The following NAV3 variants were observed in gnomAD, a reference collection of about 807,000 sequenced individuals.
NAV3 encodes the protein neuron navigator 3.
Under a neutral mutation model 244.7 loss-of-function variants are expected in NAV3, and 87 were observed. That is an observed-to-expected ratio of 0.36 (90% CI 0.30 to 0.42). NAV3 has a LOEUF of 0.42. NAV3 is among the 20% of genes least tolerant of loss of function. NAV3 has a pLI of 1.00. For missense variants in NAV3, 2,663 were observed against 2,893.3 expected, an observed-to-expected ratio of 0.92 and a Z score of 1.83; for synonymous variants, 1,126 against 1,042.2, an observed-to-expected ratio of 1.08 and a Z score of -1.55.
chr12:78,193,907 C>A (rs1959090249), intron 34 of NAV3, among the ~76,000 whole-genome samples: 1 of 152,060 alleles, frequency 6.6e-6, no homozygotes, highest in Admixed American at 6.6e-5. Flanking sequence ...CCCACTCTCT[C>A]TCTCTCTTTC....
intron 1 of NAV3, among the ~76,000 whole-genome samples, chr12:77,876,795 A>T (rs950753638): frequency 6.6e-6 from 1 of 152,046 alleles, no homozygotes; most frequent in Admixed American, 6.6e-5. Flanking sequence ...AGGATTTAGG[A>T]TTAAAATTTG....
intron 12 of NAV3, among the ~76,000 whole-genome samples, chr12:78,106,557 CT>C (rs1441448716): frequency 6.6e-6 from 1 of 152,184 alleles, no homozygotes; most frequent in Non-Finnish European, 1.5e-5. Flanking sequence ...AGCTGACAAG[CT>C]ATTTCTATAA....
At chr12:77,974,438 C>T (rs925002169) in intron 5 of NAV3, among the ~76,000 whole-genome samples, 3 of 151,108 alleles carry the variant, frequency 2.0e-5, no homozygotes, top group African/African-American at 7.3e-5. Context: ...CCCACCACCA[C>T]GGCCAGCTGT....
chr12:77,700,345 G>A (rs1416651589), intron 2 of NAV3, among the ~76,000 whole-genome samples: 1 of 152,132 alleles, frequency 6.6e-6, no homozygotes, highest in East Asian at 1.9e-4. Flanking sequence ...GCATGAAGGA[G>A]AGTTTGTGAG....
chr12:78,134,857 T>C (rs1365549036), intron 18 of NAV3, among the ~76,000 whole-genome samples: 1 of 152,198 alleles, frequency 6.6e-6, no homozygotes, highest in East Asian at 1.9e-4. Context: ...TAATAAAAGG[T>C]TAGTGGCTTT....
intron 5 of NAV3, 84 bp downstream of exon 5, chr12:77,968,786 G>T: frequency 7.5e-7 from 1 of 1,328,162 alleles, no homozygotes. Flanking sequence ...CCATGAGTTT[G>T]AAAAACGTAC....
intron 2 of NAV3, among the ~76,000 whole-genome samples, chr12:77,772,237 T>A (rs1385387741): frequency 6.6e-6 from 1 of 152,188 alleles, no homozygotes; most frequent in African/African-American, 2.4e-5. Context: ...TATGGCACAC[T>A]GATTCTGTCA....
At chr12:78,157,428 G>A (rs568599403) in intron 22 of NAV3, among the ~76,000 whole-genome samples, 1 of 151,672 alleles carries the variant, frequency 6.6e-6, no homozygotes, top group East Asian at 1.9e-4. Flanking sequence ...GGGCATGTTG[G>A]TACATGCCTA....
chr12:77,779,782 A>G (rs1870572632), intron 2 of NAV3, among the ~76,000 whole-genome samples: 1 of 152,144 alleles, frequency 6.6e-6, no homozygotes, highest in Admixed American at 6.5e-5. Flanking sequence ...TCAGCCAAAT[A>G]AGCAGATAGG....
chr12:78,017,445 A>C (rs1876410326), intron 8 of NAV3, among the ~76,000 whole-genome samples: 1 of 152,166 alleles, frequency 6.6e-6, no homozygotes, highest in Non-Finnish European at 1.5e-5. Flanking sequence ...AAAGTAAATA[A>C]ATAAAAGAAA....
chr12:77,724,943 T>C (rs1389551111), intron 2 of NAV3, among the ~76,000 whole-genome samples: 1 of 152,010 alleles, frequency 6.6e-6, no homozygotes, highest in Non-Finnish European at 1.5e-5. Context: ...GAACTGAGAA[T>C]GCTATTGTGG....
intron 5 of NAV3, among the ~76,000 whole-genome samples, chr12:77,984,631 TG>T (rs1870156224): frequency 6.6e-6 from 1 of 152,090 alleles, no homozygotes; most frequent in South Asian, 2.1e-4. Context: ...AGCTGAGATG[TG>T]GGTAGGGCAG....
chr12:77,971,675 T>C (rs1207226018), intron 5 of NAV3, among the ~76,000 whole-genome samples: 1 of 152,044 alleles, frequency 6.6e-6, no homozygotes, highest in African/African-American at 2.4e-5. Flanking sequence ...TTGCTGGAGG[T>C]GTGAGTCATA....
intron 2 of NAV3, among the ~76,000 whole-genome samples, chr12:77,625,851 G>A (rs1033484836): frequency 2.6e-5 from 4 of 152,162 alleles, no homozygotes; most frequent in African/African-American, 9.7e-5. Context: ...GTTACAGCAA[G>A]TGCTTATATA....
At chr12:77,779,729 C>T (rs1041281711) in intron 2 of NAV3, among the ~76,000 whole-genome samples, 2 of 152,328 alleles carry the variant, frequency 1.3e-5, no homozygotes, top group East Asian at 1.9e-4. Flanking sequence ...TCATCCCACC[C>T]AGCTTCTTCC....
chr12:77,812,215 T>C (rs1470174696), intron 2 of NAV3, among the ~76,000 whole-genome samples: 1 of 152,136 alleles, frequency 6.6e-6, no homozygotes, highest in Non-Finnish European at 1.5e-5. Flanking sequence ...ACTGACCTTA[T>C]GCCCTCCTTG....
intron 1 of NAV3, among the ~76,000 whole-genome samples, chr12:77,907,944 G>A (rs548253928): frequency 3.1e-4 from 47 of 152,138 alleles, no homozygotes; most frequent in South Asian, 2.7e-3. Flanking sequence ...CTTTCTCAGA[G>A]TAAATGGCTG....
chr12:78,201,197 G>A (rs1315309577), intron 38 of NAV3, among the ~76,000 whole-genome samples: 1 of 150,318 alleles, frequency 6.7e-6, no homozygotes, highest in Non-Finnish European at 1.5e-5. Context: ...CCAAGTAGGT[G>A]GGAGTATAGG....
At chr12:77,933,124 T>A (rs143756224) in intron 1 of NAV3, among the ~76,000 whole-genome samples, 2 of 152,350 alleles carry the variant, frequency 1.3e-5, no homozygotes, top group African/African-American at 4.8e-5. Flanking sequence ...AGGGACATTT[T>A]TTTTGAAGTT....
Sources: allele counts gnomAD v4.1 joint callset (sites outside exome capture counted in the v4.1 genomes callset), GRCh38; gene constraint gnomAD v4.1.1; transcripts MANE v1.5; gene names NCBI Gene and HGNC (gene_info 2026-07-23, HGNC 2026-07-21).